The following ANK2 variants were observed in gnomAD, a reference collection of about 807,000 sequenced individuals.
The protein encoded by ANK2 is ankyrin 2, also known as ankyrin-2.
Under a neutral mutation model 360.5 loss-of-function variants are expected in ANK2, and 83 were observed. That is an observed-to-expected ratio of 0.23 (90% CI 0.19 to 0.28). The LOEUF is 0.28. Among genes scored for constraint, ANK2 ranks in the 10% least tolerant of loss-of-function variants. ANK2 has a pLI of 1.00. For missense variants in ANK2, 4,201 were observed against 4,795.7 expected, an observed-to-expected ratio of 0.88 and a Z score of 3.66; for synonymous variants, 1,740 against 1,759.5, an observed-to-expected ratio of 0.99 and a Z score of 0.28.
chr4:113,255,950 C>T lies in ANK2; in HGVS notation c.1188+18C>T, dbSNP rs2049052876. 6.2e-7 allele frequency: 1 copy of T among 1,611,180 alleles called. No homozygotes were observed. The highest frequency in any genetic ancestry group is 8.5e-7 in the Non-Finnish European group (1 of 1,177,594). On this transcript the variant is annotated intron_variant, in intron 11 of 45. Coordinates refer to ENST00000357077, the MANE Select transcript of ANK2 (RefSeq NM_001148.6). Reference sequence around the variant, plus strand: ...GAGCCCTGGTAAACTTGGCCCAGTCCACATTAACTGAATACAGATTGAGAC... The same window carrying T: ...GAGCCCTGGTAAACTTGGCCCAGTCTACATTAACTGAATACAGATTGAGAC...
At chr4:112,954,120 T>C (rs1423644500) in intron 2 of ANK2, among the ~76,000 whole-genome samples, 1 of 152,140 alleles carries the variant, frequency 6.6e-6, no homozygotes, top group African/African-American at 2.4e-5. Flanking sequence ...CCCTTTTTCA[T>C]AGAATTAAAT....
chr4:113,065,271 T>TA (rs1223810510), intron 1 of ANK2, among the ~76,000 whole-genome samples: 1 of 152,132 alleles, frequency 6.6e-6, no homozygotes, highest in African/African-American at 2.4e-5. Flanking sequence ...TTTAAACAAA[T>TA]ACAGCACCTC....
chr4:112,833,065 G>T (rs1203562513), intron 1 of ANK2, among the ~76,000 whole-genome samples: 1 of 152,226 alleles, frequency 6.6e-6, no homozygotes, highest in Non-Finnish European at 1.5e-5. Flanking sequence ...TTGGACATGG[G>T]ACAGTTTGAA....
intron 1 of ANK2, among the ~76,000 whole-genome samples, chr4:113,169,489 C>G (rs1460254038): frequency 1.3e-5 from 2 of 152,118 alleles, no homozygotes; most frequent in Non-Finnish European, 2.9e-5. Context: ...ATGACTGCTT[C>G]CTAAGAAAAT....
At chr4:112,722,441 A>G in the ANK2 span, among the ~76,000 whole-genome samples, 2 of 152,188 alleles carry the variant, frequency 1.3e-5, no homozygotes, top group Non-Finnish European at 2.9e-5. Flanking sequence ...GGCTTAAATC[A>G]TAAGTACATT....
rs2058482809 is a variant in ANK2, at chr4:112,826,706, G to A, written c.-40+8442G>A. On this transcript the variant is annotated intron_variant, in intron 1 of 30. Coordinates refer to the ANK2 transcript ENST00000503271. The stretch of plus-strand genomic sequence containing the variant: ...TTCAGAAATCTGGATAGAAGACAAT[G>A]CCAGTGAACACCATAATACCTACCA... 4 of 846,440 alleles carry A rather than the reference G, an allele frequency of 4.7e-6. No homozygotes were observed. The South Asian group carries it at 6.5e-5, about 14-fold the overall frequency. 52.4% of individuals were successfully genotyped at this position (846,440 alleles called of 1,614,324 possible).
At chr4:113,094,772 C>T (rs2090268276) in intron 1 of ANK2, among the ~76,000 whole-genome samples, 1 of 152,146 alleles carries the variant, frequency 6.6e-6, no homozygotes, top group Non-Finnish European at 1.5e-5. Context: ...AATGTCAGAA[C>T]CAGATTTCAT....
At chr4:113,024,505 C>T (rs1013971503) in intron 2 of ANK2, among the ~76,000 whole-genome samples, 4 of 152,092 alleles carry the variant, frequency 2.6e-5, no homozygotes, top group Admixed American at 6.6e-5. Flanking sequence ...TTTAATCTAG[C>T]ACTGTCAAGG....
chr4:112,968,735 T>C (rs918704331), intron 2 of ANK2, among the ~76,000 whole-genome samples: 9 of 152,212 alleles, frequency 5.9e-5, no homozygotes, highest in Non-Finnish European at 1.5e-5. Context: ...AGGGACACAA[T>C]TCTTCATTAT....
At chr4:113,105,894 A>G (rs890922465) in intron 1 of ANK2, among the ~76,000 whole-genome samples, 9 of 152,200 alleles carry the variant, frequency 5.9e-5, no homozygotes. Context: ...ACATATTTTG[A>G]TTTAACCTAC....
intron 1 of ANK2, among the ~76,000 whole-genome samples, chr4:113,163,236 A>G (rs755947128): frequency 1.1e-4 from 17 of 152,272 alleles, no homozygotes; most frequent in African/African-American, 3.8e-4. Context: ...ATCTTTCAGT[A>G]TAATGTCGAC....
At chr4:113,211,659 G>T (rs1050497154) in intron 4 of ANK2, among the ~76,000 whole-genome samples, 62 of 152,238 alleles carry the variant, frequency 4.1e-4, no homozygotes, top group African/African-American at 1.4e-3. Flanking sequence ...TCACTTCAGT[G>T]TATAACTGGA....
chr4:113,149,993 A>C (rs546199152), intron 1 of ANK2, among the ~76,000 whole-genome samples: 1 of 152,014 alleles, frequency 6.6e-6, no homozygotes, highest in East Asian at 1.9e-4. Context: ...TAATCAATTA[A>C]CTATAAAAGG....
chr4:113,148,355 C>T (rs529947916), intron 1 of ANK2, among the ~76,000 whole-genome samples: 7 of 152,210 alleles, frequency 4.6e-5, no homozygotes, highest in South Asian at 2.1e-4. Flanking sequence ...ACCATAGATG[C>T]GATGCTTTAA....
intron 1 of ANK2, among the ~76,000 whole-genome samples, chr4:113,172,781 T>A (rs2098031732): frequency 6.6e-6 from 1 of 152,180 alleles, no homozygotes; most frequent in Non-Finnish European, 1.5e-5. Context: ...GTAAAATTAA[T>A]GTTTCTTGTG....
At chr4:113,165,615 G>T (rs1422148201) in intron 1 of ANK2, among the ~76,000 whole-genome samples, 1 of 152,062 alleles carries the variant, frequency 6.6e-6, no homozygotes, top group Admixed American at 6.5e-5. Flanking sequence ...CACACCAAGA[G>T]GAACCAGTAA....
At position 113,318,587 on chromosome 4, in the gene ANK2, A is replaced by G; in HGVS notation, c.2867A>G (p.Asn956Ser). Reference sequence around the variant, plus strand: ...AGCTGGGGCACTGAGAACTTAGACAACGTGGCTCTTTCTTCTAGTCCTATT... The same window carrying G: ...AGCTGGGGCACTGAGAACTTAGACAGCGTGGCTCTTTCTTCTAGTCCTATT... ...RLSWGTENLD[N>S]VALSSSPIHS... Residue 956 changes from asparagine to serine, a missense_variant, in exon 26 of 46, where the codon AAC becomes AGC. Coordinates refer to ENST00000357077, the MANE Select transcript of ANK2 (RefSeq NM_001148.6). The G allele has an allele frequency of 6.2e-7, 1 of 1,613,660 alleles. No homozygotes were observed.
intron 1 of ANK2, among the ~76,000 whole-genome samples, chr4:113,104,518 A>T (rs1405077210): frequency 6.6e-6 from 1 of 152,192 alleles, no homozygotes; most frequent in African/African-American, 2.4e-5. Context: ...GTTTGAGACC[A>T]GCCTGGCCAA....
intron 1 of ANK2, among the ~76,000 whole-genome samples, chr4:113,068,489 CAAAT>C (rs1380288452): frequency 1.3e-5 from 2 of 151,968 alleles, no homozygotes; most frequent in Non-Finnish European, 2.9e-5. Context: ...TAATGAAAAG[CAAAT>C]AAAAATACCT....
Sources: allele counts gnomAD v4.1 joint callset (sites outside exome capture counted in the v4.1 genomes callset), GRCh38; gene constraint gnomAD v4.1.1; transcripts MANE v1.5; gene names NCBI Gene and HGNC (gene_info 2026-07-23, HGNC 2026-07-21).